MAML2: variants seen among roughly 807,000 people sequenced by gnomAD.
MAML2 encodes the protein mastermind like transcriptional coactivator 2.
A neutral mutation model predicts 96.1 loss-of-function variants in MAML2; 22 were observed. The ratio of observed to expected loss-of-function variants is 0.23; its 90% confidence interval spans 0.16 to 0.33. The LOEUF (loss-of-function observed/expected upper bound fraction) is 0.33, where lower values mean the gene tolerates loss of function less well. Ranked by LOEUF, MAML2 falls within the 10% of genes least tolerant of loss-of-function variation. The pLI is 1.00. For missense variants in MAML2, 1,367 were observed against 1,392.4 expected (o/e 0.98, Z 0.29); for synonymous variants, 561 against 521.3 (o/e 1.08, Z -1.04).
intron 2 of MAML2, among the ~76,000 whole-genome samples, chr11:96,074,197 T>C (rs1859395307): frequency 1.3e-5 from 2 of 152,228 alleles, no homozygotes; most frequent in Non-Finnish European, 2.9e-5. Context: ...TCATTGTATT[T>C]TTAGGGAAAC....
intron 1 of MAML2, among the ~76,000 whole-genome samples, chr11:96,222,604 T>G (rs781012418): frequency 1.3e-5 from 2 of 152,172 alleles, no homozygotes; most frequent in African/African-American, 2.4e-5. Context: ...TTCCCAGGAG[T>G]GCCAAGCTTC....
At chr11:96,335,370 A>G (rs1207548739) in intron 1 of MAML2, among the ~76,000 whole-genome samples, 1 of 152,228 alleles carries the variant, frequency 6.6e-6, no homozygotes, top group Non-Finnish European at 1.5e-5. Flanking sequence ...GAGTATAAAC[A>G]CTTTTACCAA....
intron 2 of MAML2, among the ~76,000 whole-genome samples, chr11:96,089,671 T>C (rs1859673402): frequency 6.6e-6 from 1 of 152,170 alleles, no homozygotes; most frequent in Admixed American, 6.5e-5. Context: ...ACAGCTGAAG[T>C]ATACTTGCTT....
In MAML2 at chr11:96,018,980, C is replaced by A. The variant is rs184869016; in HGVS notation, c.2140-27257G>T. ...TTCACTGGAAATCTAGAGACAAAAA[C>A]GTGATTGAAATGAGTTTGAGACAAA... On this transcript the variant is annotated intron_variant, in intron 2 of 4. Transcript: ENST00000524717. 3.3e-5 allele frequency among the ~76,000 whole-genome samples: 5 copies of A among 152,100 alleles called. No individual in the cohort carries two copies. The South Asian group carries it at 8.3e-4, about 25-fold the overall frequency.
intron 1 of MAML2, among the ~76,000 whole-genome samples, chr11:96,186,602 G>A (rs1334638212): frequency 6.6e-6 from 1 of 152,158 alleles, no homozygotes; most frequent in African/African-American, 2.4e-5. Flanking sequence ...AAAAAAATGT[G>A]ATGAAAAGAG....
At position 95,998,472 on chromosome 11, in the gene MAML2, A is replaced by G. The variant is rs557819535; in HGVS notation, c.2140-6749T>C. Among the ~76,000 whole-genome samples the G allele has an allele frequency of 2.6e-5, 4 of 152,254 alleles. No individual in the cohort carries two copies. In the East Asian group the frequency reaches 7.7e-4, roughly 29 times the overall value. On this transcript the variant is annotated intron_variant, in intron 2 of 4. Transcript: ENST00000524717. Reference sequence around the variant, plus strand: ...ACTAAGAATAACCTATGTCCTGGGCATTTCATCAGGTGCTAGAGAAATGGA... The same window carrying G: ...ACTAAGAATAACCTATGTCCTGGGCGTTTCATCAGGTGCTAGAGAAATGGA...
At chr11:96,287,113 T>A (rs766663244) in intron 1 of MAML2, among the ~76,000 whole-genome samples, 1 of 152,194 alleles carries the variant, frequency 6.6e-6, no homozygotes, top group Non-Finnish European at 1.5e-5. Flanking sequence ...TTAACTGAGC[T>A]TACAAGAATG....
intron 2 of MAML2, among the ~76,000 whole-genome samples, chr11:96,070,454 T>C (rs530837913): frequency 1.3e-5 from 2 of 152,292 alleles, no homozygotes; most frequent in South Asian, 4.1e-4. Flanking sequence ...GACTCCCTCT[T>C]TGGGGTCCTG....
chr11:96,029,543 G>A lies in MAML2; in HGVS notation c.2140-37820C>T, dbSNP rs570621668. ...CTTCCTGTGAACAAAATTTTTAGAGGATAATCTAGATAATGTAGTTTTTCA... is the reference window on the plus strand; with the variant it reads ...CTTCCTGTGAACAAAATTTTTAGAGAATAATCTAGATAATGTAGTTTTTCA... On this transcript the variant is annotated intron_variant, in intron 2 of 4. Coordinates refer to ENST00000524717, the MANE Select transcript of MAML2 (RefSeq NM_032427.4). 6.6e-5 allele frequency among the ~76,000 whole-genome samples: 10 copies of A among 152,180 alleles called. No homozygotes were observed. The South Asian group carries it at 1.9e-3, about 28-fold the overall frequency.
chr11:96,059,357 TA>T (rs1400068251), intron 2 of MAML2, among the ~76,000 whole-genome samples: 1 of 152,190 alleles, frequency 6.6e-6, no homozygotes, highest in East Asian at 1.9e-4. Context: ...AGCAATAGTT[TA>T]AAAAATCAAT....
intron 1 of MAML2, among the ~76,000 whole-genome samples, chr11:96,305,916 T>C (rs945920701): frequency 2.0e-5 from 3 of 152,152 alleles, no homozygotes; most frequent in Non-Finnish European, 4.4e-5. Flanking sequence ...TTCTGAAAAG[T>C]GTTTTTAAAA....
chr11:96,077,143 C>T (rs975974325), intron 2 of MAML2, among the ~76,000 whole-genome samples: 9 of 149,326 alleles, frequency 6.0e-5, no homozygotes, highest in Admixed American at 2.7e-4. Context: ...ATCAGAAATG[C>T]ATTTTTTGGC....
At chr11:96,290,306 C>G (rs986403087) in intron 1 of MAML2, among the ~76,000 whole-genome samples, 4 of 152,120 alleles carry the variant, frequency 2.6e-5, no homozygotes, top group African/African-American at 9.7e-5. Context: ...AAAATGGTAC[C>G]CTGGTGGCTT....
At chr11:96,327,697 G>T (rs781487665) in intron 1 of MAML2, among the ~76,000 whole-genome samples, 6 of 151,934 alleles carry the variant, frequency 3.9e-5, no homozygotes, top group African/African-American at 1.2e-4. Context: ...TGGATTACAG[G>T]CATGAGCAAC....
At chr11:96,102,211 G>T (rs980449648) in intron 1 of MAML2, among the ~76,000 whole-genome samples, 4 of 152,226 alleles carry the variant, frequency 2.6e-5, no homozygotes, top group Non-Finnish European at 5.9e-5. Flanking sequence ...GGGAGGCGGA[G>T]CTTGCAGTGA....
intron 1 of MAML2, among the ~76,000 whole-genome samples, chr11:96,118,684 A>AG (rs960130047): frequency 1.3e-5 from 2 of 152,192 alleles, no homozygotes; most frequent in African/African-American, 4.8e-5. Context: ...ACAATAATGA[A>AG]GGTAGGAACA....
At chr11:96,082,266 A>G (rs899372282) in intron 2 of MAML2, among the ~76,000 whole-genome samples, 1 of 152,222 alleles carries the variant, frequency 6.6e-6, no homozygotes, top group Admixed American at 6.5e-5. Flanking sequence ...TCATGGTCCC[A>G]GCCCTCCAGG....
chr11:96,310,632 T>C (rs527445334), intron 1 of MAML2, among the ~76,000 whole-genome samples: 1 of 152,352 alleles, frequency 6.6e-6, no homozygotes, highest in South Asian at 2.1e-4. Flanking sequence ...GTGGTGTCAG[T>C]AATTTATAAC....
intron 1 of MAML2, among the ~76,000 whole-genome samples, chr11:96,107,715 G>T (rs1860047466): frequency 6.6e-6 from 1 of 152,182 alleles, no homozygotes; most frequent in Admixed American, 6.5e-5. Context: ...AGGGGCTAAA[G>T]GTTGCGTTGA....
Sources: gnomAD v4.1 joint callset for allele counts (sites outside exome capture counted in the v4.1 genomes callset) on GRCh38, gnomAD v4.1.1 for gene constraint, MANE v1.5 for transcripts, NCBI Gene and HGNC (gene_info 2026-07-23, HGNC 2026-07-21) for gene names.